LRRC4C: variants seen among roughly 807,000 people sequenced by gnomAD.
LRRC4C encodes the protein leucine rich repeat containing 4C.
In LRRC4C, 5 loss-of-function variants were observed where a neutral mutation model predicts 33.6. That is an observed-to-expected ratio of 0.15 (90% CI 0.08 to 0.31). LRRC4C has a LOEUF of 0.31. LRRC4C is among the 10% of genes least tolerant of loss of function. The pLI is 1.00. For synonymous variants in LRRC4C, 329 were observed against 302.0 expected (o/e 1.09, Z -0.93); for missense variants, 560 against 796.7 (o/e 0.70, Z 3.58).
chr11:41,001,543 G>C (rs903408680), intron 1 of LRRC4C, among the ~76,000 whole-genome samples: 3 of 151,886 alleles, frequency 2.0e-5, no homozygotes, highest in Non-Finnish European at 4.4e-5. Flanking sequence ...TCTGAACATG[G>C]CATACTCTTC....
chr11:40,764,787 C>G (rs1273386054), intron 2 of LRRC4C, among the ~76,000 whole-genome samples: 1 of 152,136 alleles, frequency 6.6e-6, no homozygotes, highest in African/African-American at 2.4e-5. Context: ...ACAAGAATTT[C>G]TGCCTAGTAA....
intron 4 of LRRC4C, among the ~76,000 whole-genome samples, chr11:40,264,499 A>G (rs1185958953): frequency 2.0e-5 from 3 of 152,224 alleles, no homozygotes; most frequent in Admixed American, 1.3e-4. Context: ...GAGCTGAAAA[A>G]GAGCTACCTG....
intron 1 of LRRC4C, among the ~76,000 whole-genome samples, chr11:41,087,958 CTT>C (rs1940127323): frequency 6.6e-6 from 1 of 152,022 alleles, no homozygotes; most frequent in Admixed American, 6.6e-5. Flanking sequence ...AAGTGAATGA[CTT>C]ATTTATTAGA....
At chr11:40,989,459 G>T (rs185977732) in intron 1 of LRRC4C, among the ~76,000 whole-genome samples, 1 of 152,262 alleles carries the variant, frequency 6.6e-6, no homozygotes, top group Non-Finnish European at 1.5e-5. Flanking sequence ...AGGCTAGGCT[G>T]GGAGTCAAAG....
chr11:40,379,687 T>C (rs1051314430), intron 3 of LRRC4C, among the ~76,000 whole-genome samples: 1 of 152,200 alleles, frequency 6.6e-6, no homozygotes, highest in Non-Finnish European at 1.5e-5. Flanking sequence ...TGGTTGTTAG[T>C]TTATCAGTCT....
intron 1 of LRRC4C, among the ~76,000 whole-genome samples, chr11:41,270,814 C>A (rs1028806741): frequency 1.3e-5 from 2 of 151,994 alleles, no homozygotes; most frequent in Non-Finnish European, 2.9e-5. Context: ...ATTATATTAC[C>A]ATTCTTGTAT....
intron 5 of LRRC4C, among the ~76,000 whole-genome samples, chr11:40,225,680 G>A (rs1004999404): frequency 4.0e-5 from 6 of 148,688 alleles, no homozygotes; most frequent in African/African-American, 7.4e-5. Context: ...GCAATGGCAC[G>A]ATCTCGGCTC....
intron 1 of LRRC4C, among the ~76,000 whole-genome samples, chr11:41,311,988 C>A (rs1950654470): frequency 6.6e-6 from 1 of 152,170 alleles, no homozygotes; most frequent in Non-Finnish European, 1.5e-5. Flanking sequence ...GGCAGGCATC[C>A]ATTGAGATAG....
intron 3 of LRRC4C, among the ~76,000 whole-genome samples, chr11:40,639,242 C>A (rs1941961502): frequency 6.6e-6 from 1 of 151,856 alleles, no homozygotes. Flanking sequence ...GTATAATTTT[C>A]TTTTGCCAAA....
intron 4 of LRRC4C, among the ~76,000 whole-genome samples, chr11:40,254,319 G>C (rs987475498): frequency 6.6e-6 from 1 of 152,218 alleles, no homozygotes; most frequent in Non-Finnish European, 1.5e-5. Context: ...AGGTAGAAAA[G>C]AGAGCATGAG....
intron 2 of LRRC4C, among the ~76,000 whole-genome samples, chr11:40,730,819 G>A (rs1012007638): frequency 3.9e-5 from 6 of 152,172 alleles, no homozygotes; most frequent in Non-Finnish European, 7.3e-5. Context: ...CAACTAAAGT[G>A]AAGCCCACCT....
At chr11:40,745,424 T>C (rs1352126087) in intron 2 of LRRC4C, among the ~76,000 whole-genome samples, 1 of 152,224 alleles carries the variant, frequency 6.6e-6, no homozygotes, top group African/African-American at 2.4e-5. Flanking sequence ...GATTATACTA[T>C]GAGAACGTTT....
intron 3 of LRRC4C, among the ~76,000 whole-genome samples, chr11:40,590,494 C>T (rs1031536198): frequency 1.5e-4 from 23 of 152,066 alleles, no homozygotes; most frequent in East Asian, 9.7e-4. Context: ...AGTCATTCTC[C>T]GTCCAGCTTT....
At chr11:40,627,861 T>A (rs1284094243) in intron 3 of LRRC4C, among the ~76,000 whole-genome samples, 1 of 152,154 alleles carries the variant, frequency 6.6e-6, no homozygotes, top group Non-Finnish European at 1.5e-5. Context: ...CCAGCTCTGT[T>A]TCATGTCAGA....
chr11:40,230,333 C>T (rs918126975), intron 5 of LRRC4C, among the ~76,000 whole-genome samples: 2 of 152,218 alleles, frequency 1.3e-5, no homozygotes, highest in East Asian at 3.9e-4. Flanking sequence ...TCTTCAACTG[C>T]TGCTGCCTAG....
At chr11:40,152,128 G>A (rs1858266505) in intron 5 of LRRC4C, among the ~76,000 whole-genome samples, 1 of 152,142 alleles carries the variant, frequency 6.6e-6, no homozygotes, top group African/African-American at 2.4e-5. Context: ...AATACTGTGA[G>A]TGCCCCATCT....
chr11:41,445,866 A>ATGTGTGTGTGTGTGTGTGTG (rs35999139), intron 1 of LRRC4C, among the ~76,000 whole-genome samples: 25 of 149,842 alleles, frequency 1.7e-4, no homozygotes, highest in African/African-American at 5.2e-4. Context: ...GAGTGACTGC[A>ATGTGTGTGTGTGTGTGTGTG]TGTGTGTGTG....
At chr11:41,142,377 C>A (rs1461272516) in intron 1 of LRRC4C, among the ~76,000 whole-genome samples, 1 of 152,122 alleles carries the variant, frequency 6.6e-6, no homozygotes, top group Non-Finnish European at 1.5e-5. Flanking sequence ...ATTGCTGAGA[C>A]TAACTCTCAG....
chr11:40,924,963 G>C (rs1015188634), intron 2 of LRRC4C, among the ~76,000 whole-genome samples: 2 of 152,108 alleles, frequency 1.3e-5, no homozygotes, highest in Non-Finnish European at 2.9e-5. Context: ...TTTTTGAAAG[G>C]CGCAGAAAAT....
Sources: allele counts gnomAD v4.1 joint callset (sites outside exome capture counted in the v4.1 genomes callset), GRCh38; gene constraint gnomAD v4.1.1; transcripts MANE v1.5; gene names NCBI Gene and HGNC (gene_info 2026-07-23, HGNC 2026-07-21).